Variants in FLT1 observed in about 807,000 individuals in gnomAD.
FLT1 encodes vascular endothelial growth factor receptor 1.
In FLT1, 49 loss-of-function variants were observed where a neutral mutation model predicts 156.3. The ratio of observed to expected loss-of-function variants is 0.31; its 90% CI spans 0.25 to 0.40. The LOEUF is 0.40. Among genes scored for constraint, FLT1 ranks in the 10% least tolerant of loss-of-function variants. FLT1 has a pLI of 1.00. For synonymous variants in FLT1, 594 were observed against 583.8 expected, an observed-to-expected ratio of 1.02 and a Z score of -0.25; for missense variants, 1,322 against 1,637.2, an observed-to-expected ratio of 0.81 and a Z score of 3.32.
chr13:28,359,491 A>G (rs1873029078), intron 14 of FLT1, among the ~76,000 whole-genome samples: 1 of 152,236 alleles, frequency 6.6e-6, no homozygotes, highest in African/African-American at 2.4e-5. Flanking sequence ...GATTTCTTGG[A>G]TATGACCCCA....
intron 13 of FLT1, chr13:28,387,985 C>A: frequency 9.4e-7 from 1 of 1,060,356 alleles, no homozygotes; most frequent in South Asian, 4.6e-5. Flanking sequence ...TTCTGCATGT[C>A]CAATTCACCA....
intron 11 of FLT1, among the ~76,000 whole-genome samples, chr13:28,400,742 T>A (rs571617842): frequency 6.6e-6 from 1 of 152,300 alleles, no homozygotes; most frequent in African/African-American, 2.4e-5. Flanking sequence ...CTAAATACTT[T>A]CAAAGAGAAA....
chr13:28,319,388 TG>T, intron 24 of FLT1, 34 bp downstream of exon 24: 1 of 1,317,724 alleles, frequency 7.6e-7, no homozygotes, highest in Non-Finnish European at 1.1e-6. Context: ...CATTTATTTC[TG>T]GGCTGTTTGA....
At chr13:28,436,175 G>A (rs1413372224) in intron 4 of FLT1, among the ~76,000 whole-genome samples, 1 of 152,198 alleles carries the variant, frequency 6.6e-6, no homozygotes, top group Non-Finnish European at 1.5e-5. Context: ...TAGCCCATCA[G>A]CTGTGGCCAC....
intron 29 of FLT1, among the ~76,000 whole-genome samples, chr13:28,305,771 A>AT (rs1297810837): frequency 1.7e-4 from 26 of 152,052 alleles, no homozygotes; most frequent in East Asian, 3.9e-4. Flanking sequence ...ACATTCTGAG[A>AT]TTTTTTTGCA....
chr13:28,356,527 TA>T (rs1420927524), intron 15 of FLT1, among the ~76,000 whole-genome samples: 2 of 152,206 alleles, frequency 1.3e-5, no homozygotes, highest in African/African-American at 4.8e-5. Flanking sequence ...AAATTTGTGG[TA>T]GAGTAGTTTC....
intron 15 of FLT1, among the ~76,000 whole-genome samples, chr13:28,347,383 C>G (rs1021006700): frequency 6.6e-6 from 1 of 151,792 alleles, no homozygotes; most frequent in African/African-American, 2.4e-5. Context: ...AAAAAATTAG[C>G]TGGGTGTGGT....
intron 14 of FLT1, among the ~76,000 whole-genome samples, chr13:28,378,309 A>G (rs6491278): frequency 0.074 from 11,273 of 152,232 alleles, 450 homozygotes; most frequent in South Asian, 0.13. Flanking sequence ...AGCCTCCCAA[A>G]GTGCTGGGAT....
Position 28,405,700 on chromosome 13 carries a change from G to A in FLT1, c.1551+80C>T, listed in dbSNP as rs1593753945. On this transcript the variant is annotated intron_variant, in intron 11 of 29. Coordinates refer to ENST00000282397, the MANE Select transcript of FLT1 (RefSeq NM_002019.4). ...TTGTTTGAACATTTAAATTACTTCT[G>A]GTGCCAATAAACCTAGAATTGGGAG... is the stretch of plus-strand genomic sequence containing the variant. 10 of 842,756 alleles carry A rather than the reference G, an allele frequency of 1.2e-5. No individual in the cohort carries two copies. The East Asian group carries it at 2.4e-4, about 20-fold the overall frequency. 52.2% of individuals were successfully genotyped at this position (842,756 alleles called of 1,614,324 possible).
At chr13:28,412,144 G>A (rs933299089) in intron 10 of FLT1, among the ~76,000 whole-genome samples, 2 of 152,104 alleles carry the variant, frequency 1.3e-5, no homozygotes, top group Non-Finnish European at 2.9e-5. Flanking sequence ...GCACAACCGG[G>A]GCTGGCCCCC....
chr13:28,342,791 A>G (rs909609827), intron 16 of FLT1, among the ~76,000 whole-genome samples: 1 of 152,190 alleles, frequency 6.6e-6, no homozygotes, highest in Non-Finnish European at 1.5e-5. Context: ...GACATACTAC[A>G]TAAAGAGCTT....
At chr13:28,400,717 G>C (rs1157769027) in intron 11 of FLT1, among the ~76,000 whole-genome samples, 2 of 151,992 alleles carry the variant, frequency 1.3e-5, no homozygotes, top group Non-Finnish European at 2.9e-5. Context: ...TCACAGTTAG[G>C]GCATGCAATA....
intron 3 of FLT1, among the ~76,000 whole-genome samples, chr13:28,465,583 C>T (rs1879803761): frequency 6.6e-6 from 1 of 152,190 alleles, no homozygotes; most frequent in African/African-American, 2.4e-5. Context: ...TAGCTCATGC[C>T]TGTAATCCCA....
chr13:28,484,209 TC>T (rs1395612085), intron 1 of FLT1, among the ~76,000 whole-genome samples: 2 of 152,170 alleles, frequency 1.3e-5, no homozygotes, highest in Non-Finnish European at 2.9e-5. Context: ...CAAACACACT[TC>T]CAGGTCGTTC....
At chr13:28,327,639 C>T in intron 19 of FLT1, 89 bp from the exon 20 acceptor site, 2 of 865,102 alleles carry the variant, frequency 2.3e-6, no homozygotes, top group East Asian at 2.5e-5. Flanking sequence ...AAACCTCAAA[C>T]CAACCAGCCT....
At chr13:28,397,420 G>T (rs1032719327) in intron 11 of FLT1, among the ~76,000 whole-genome samples, 4 of 152,192 alleles carry the variant, frequency 2.6e-5, no homozygotes, top group African/African-American at 7.2e-5. Context: ...AGAGGAACAG[G>T]TGAGGCTGAG....
At chr13:28,434,283 C>A (rs2137553392) in intron 4 of FLT1, 63 bp from the exon 5 acceptor site, 1 of 1,457,734 alleles carries the variant, frequency 6.9e-7, no homozygotes, top group Non-Finnish European at 9.6e-7. Flanking sequence ...TACTGTTTCA[C>A]CAGCAGTTTG....
At position 28,464,232 on chromosome 13, in the gene FLT1, C is replaced by T. The variant is rs1433723809; in HGVS notation, c.388+2671G>A. On this transcript the variant is annotated intron_variant, in intron 3 of 29. Transcript: ENST00000282397. Reference sequence around the variant, plus strand: ...AATACAACGCATTTCACAATCCTTCCTTATCCAAAAACAATCTAAGTGATA... The same window carrying T: ...AATACAACGCATTTCACAATCCTTCTTTATCCAAAAACAATCTAAGTGATA... Among the ~76,000 whole-genome samples, 5 of 152,132 alleles carry T rather than the reference C, an allele frequency of 3.3e-5. No individual in the cohort carries two copies. The South Asian group carries it at 6.2e-4, about 19-fold the overall frequency.
chr13:28,485,040 C>G (rs796901601), intron 1 of FLT1, among the ~76,000 whole-genome samples: 5 of 151,674 alleles, frequency 3.3e-5, no homozygotes, highest in African/African-American at 1.2e-4. Context: ...ATGTAACTAA[C>G]CTGCATGTTG....
Sources: gnomAD v4.1 joint callset for allele counts (sites outside exome capture counted in the v4.1 genomes callset) on GRCh38, gnomAD v4.1.1 for gene constraint, MANE v1.5 for transcripts, NCBI Gene and HGNC (gene_info 2026-07-23, HGNC 2026-07-21) for gene names.